ENDOU: variants seen among roughly 807,000 people sequenced by gnomAD.
ENDOU encodes uridylate-specific endoribonuclease.
A neutral mutation model predicts 54.2 loss-of-function variants in ENDOU; 49 were observed. The ratio of observed to expected loss-of-function variants is 0.90; its 90% confidence interval spans 0.72 to 1.15. The LOEUF (loss-of-function observed/expected upper bound fraction) is 1.15. Among genes scored for constraint, ENDOU ranks in the 50% most tolerant of loss-of-function variants. The pLI, the probability that ENDOU is intolerant of heterozygous loss-of-function variation, is 0.00. For missense variants in ENDOU, 458 were observed against 511.4 expected, an observed-to-expected ratio of 0.90 and a Z score of 1.01; for synonymous variants, 172 against 190.5, an observed-to-expected ratio of 0.90 and a Z score of 0.80.
chr12:47,719,025 C>T (rs1940350068), intron 2 of ENDOU: 1 of 152,222 alleles, frequency 6.6e-6, no homozygotes, highest in Non-Finnish European at 1.5e-5. Flanking sequence ...TACTATGTGT[C>T]AGGTTGTGTT....
intron 1 of ENDOU, 23 bp from the exon 2 acceptor site, chr12:47,720,898 ACT>A: frequency 1.3e-6 from 2 of 1,535,688 alleles, no homozygotes; most frequent in Non-Finnish European, 1.7e-6. Flanking sequence ...AAGGTCACCA[ACT>A]CAGCTCTATG....
At chr12:47,714,497 G>A (rs1940155588) in intron 6 of ENDOU, among the ~76,000 whole-genome samples, 1 of 152,240 alleles carries the variant, frequency 6.6e-6, no homozygotes, top group South Asian at 2.1e-4. Flanking sequence ...TGTTAACTCC[G>A]GAGGAGGAGA....
At position 47,716,482 on chromosome 12, in the gene ENDOU, T is replaced by C. The variant is rs1940238546; in HGVS notation, c.569A>G (p.Asn190Ser). 1 of 1,613,654 alleles carries C rather than the reference T, an allele frequency of 6.2e-7. No homozygotes were observed. Among genetic ancestry groups the C allele is most frequent in the Non-Finnish European group, 8.5e-7 (1 of 1,180,016 alleles). Reference protein sequence around the residue: ...RCPKPLFTYVNEKLFSKPTYA... With the variant: ...RCPKPLFTYVSEKLFSKPTYA... The stretch of plus-strand genomic sequence containing the variant: ...GGTGGGCTTGGAGAACAGCTTCTCA[T>C]TGACATAAGTGAAGAGTCTGGGGGA... Residue 190 changes from asparagine (N) to serine (S), a missense_variant, in exon 6 of 10, where the codon AAT becomes AGT. Physicochemically the swap from Asn to Ser is conservative, Grantham distance 46. Transcript: ENST00000422538.
rs1940108822 is a variant in ENDOU at position 47,713,380 on chromosome 12, C to T, written c.760G>A (p.Gly254Ser). ...TCATCGACAAACTCTTGCTCTGAGC[C>T]ATAGCGATCTGCAGAGGAACACAAA... ...YSFLHHQNRY[G>S]SEQEFVDDLK... Residue 254 changes from glycine to serine, a missense_variant, in exon 7 of 10, where the codon GGC becomes AGC. Physicochemically the swap from Gly to Ser is moderately conservative, Grantham distance 56. Transcript: ENST00000422538. 1.2e-6 allele frequency: 2 copies of T among 1,613,578 alleles called. No homozygotes were observed. The highest frequency in any genetic ancestry group is 1.7e-6 in the Non-Finnish European group (2 of 1,179,542).
Position 47,716,938 on chromosome 12 carries a change from C to G in ENDOU, c.503G>C (p.Cys168Ser). The stretch of plus-strand genomic sequence containing the variant: ...GTTTCTGGTCTCTGACGGGGAGATG[C>G]AGTTTTGGCTATTGAGAACGATGTC... ...KEDIVLNSQN[C>S]ISPSETRNQV... The change falls in exon 5 of 10, where the codon TGC (cysteine) becomes TCC (serine). Residue 168 changes from cysteine (C) to serine (S), a missense_variant. Coordinates refer to ENST00000422538, the MANE Select transcript of ENDOU (RefSeq NM_001172439.2). 6.2e-7 allele frequency: 1 copy of G among 1,614,174 alleles called. No homozygotes were observed. The highest frequency in any genetic ancestry group is 1.1e-5 in the South Asian group (1 of 91,084).
chr12:47,717,356 C>G, intron 4 of ENDOU, 162 bp downstream of exon 4: 1 of 804,824 alleles, frequency 1.2e-6, no homozygotes, highest in Non-Finnish European at 2.0e-6. Context: ...AGTCCCATCC[C>G]TAGAGTTTCT....
chr12:47,725,346 G>A lies in ENDOU; in HGVS notation c.55+13C>T, dbSNP rs1940551775. On this transcript the variant is annotated intron_variant, in intron 1 of 9. Transcript: ENST00000422538. ...CCCACCAGCAATCCCATGCCCGCCA[G>A]ATAGTGACTTACCAGCCCAGGCCAG... 11 of 1,614,018 alleles carry A rather than the reference G, an allele frequency of 6.8e-6. No individual in the cohort carries two copies. In the East Asian group the frequency reaches 2.5e-4, roughly 36 times the overall value.
At position 47,710,342 on chromosome 12, in the gene ENDOU, T is replaced by A. The variant is rs116303849; in HGVS notation, c.*460A>T. On this transcript the variant is annotated 3_prime_UTR_variant, in exon 10 of 10. Transcript: ENST00000422538. ...ACAGCCATTATAGTAATCTTGAATT[T>A]CTATCAGCTGTTCTTCCTAAGAACA... 1,954 of 153,910 alleles carry A rather than the reference T, an allele frequency of 0.013. 42 individuals carry two copies. The highest frequency in any genetic ancestry group is 0.045 in the African/African-American group (1,852 of 41,610). 9.5% of individuals were successfully genotyped at this position (153,910 alleles called of 1,614,324 possible).
At chr12:47,716,750 T>A in intron 5 of ENDOU, 140 bp downstream of exon 5, 1 of 845,636 alleles carries the variant, frequency 1.2e-6, no homozygotes, top group Non-Finnish European at 1.9e-6. Flanking sequence ...TCCCTCAAGA[T>A]GGCTTTGTCT....
At chr12:47,721,007 G>T (rs1275010585) in intron 1 of ENDOU, 132 bp from the exon 2 acceptor site, 1 of 816,800 alleles carries the variant, frequency 1.2e-6, no homozygotes, top group Non-Finnish European at 1.9e-6. Flanking sequence ...CTGCAAAGGA[G>T]AAGTACATCC....
chr12:47,717,288 G>T (rs541144819), intron 4 of ENDOU, among the ~76,000 whole-genome samples: 1 of 152,340 alleles, frequency 6.6e-6, no homozygotes, highest in South Asian at 2.1e-4. Context: ...CCTAGAAGGG[G>T]TCTCACGCTT....
chr12:47,717,824 CT>C (rs1940309442), intron 3 of ENDOU, 169 bp from the exon 4 acceptor site: 1 of 673,054 alleles, frequency 1.5e-6, no homozygotes, highest in Non-Finnish European at 2.5e-6. Context: ...TCAGGAAGTC[CT>C]TTCTGATGCC....
Position 47,716,300 on chromosome 12 carries a change from T to C in ENDOU, c.751A>G (p.Asn251Asp). 1 of 1,613,932 alleles carries C rather than the reference T, an allele frequency of 6.2e-7. No individual in the cohort carries two copies. The highest frequency in any genetic ancestry group is 1.1e-5 in the South Asian group (1 of 91,070). ...CTGGGGCCTGGGGGTGCTCACTCAC[T>C]CTGGTGATGGAGGAAGCTGTAGAGC... ...KELYSFLHHQ[N>D]RYGSEQEFVD... Residue 251 changes from asparagine (N) to aspartate (D), a missense_variant and splice_region_variant, in exon 6 of 10, where the codon AAT becomes GAT. Asn to Asp is a conservative substitution (Grantham distance 23, BLOSUM62 1). Transcript: ENST00000422538.
chr12:47,711,860 T>C, intron 8 of ENDOU, 85 bp from the exon 9 acceptor site: 1 of 1,489,754 alleles, frequency 6.7e-7, no homozygotes, highest in Non-Finnish European at 9.3e-7. Context: ...AGTCAGACAG[T>C]ATTTGTTGAG....
chr12:47,712,949 A>AG (rs1362156784), intron 7 of ENDOU, among the ~76,000 whole-genome samples: 4 of 152,146 alleles, frequency 2.6e-5, no homozygotes, highest in African/African-American at 4.8e-5. Flanking sequence ...CTTGGGAAGC[A>AG]GCTGGCCAGG....
chr12:47,717,035 T>C lies in ENDOU; in HGVS notation c.406A>G (p.Ile136Val), dbSNP rs1940270140. 4 of 1,613,972 alleles carry C rather than the reference T, an allele frequency of 2.5e-6. No individual in the cohort carries two copies. The highest frequency in any genetic ancestry group is 1.3e-5 in the African/African-American group (1 of 74,896). Residue 136 changes from isoleucine to valine, a missense_variant, in exon 5 of 10, where the codon ATA (isoleucine) becomes GTA (valine). Physicochemically the swap from Ile to Val is conservative, Grantham distance 29. Transcript: ENST00000422538. ...ATGCTCTGAATCTCCTCTTTTGTTATGGCATCACTGCTGTGGGAGACCTCT... is the reference window on the plus strand; with the variant it reads ...ATGCTCTGAATCTCCTCTTTTGTTACGGCATCACTGCTGTGGGAGACCTCT... The part of the protein sequence containing the change: ...DHEVSHSSDA[I>V]TKEEIQSISE...
chr12:47,716,502 G>C lies in ENDOU; in HGVS notation c.552-3C>G, dbSNP rs769480689. On this transcript the variant is annotated splice_region_variant and splice_polypyrimidine_tract_variant and intron_variant, in intron 5 of 9. Coordinates refer to ENST00000422538, the MANE Select transcript of ENDOU (RefSeq NM_001172439.2). Reference sequence around the variant, plus strand: ...TCTCATTGACATAAGTGAAGAGTCTGGGGGAGGCAGAGGGGAGCCCCACTG... The same window carrying C: ...TCTCATTGACATAAGTGAAGAGTCTCGGGGAGGCAGAGGGGAGCCCCACTG... 1.2e-6 allele frequency: 2 copies of C among 1,613,012 alleles called. No homozygotes were observed. The highest frequency in any genetic ancestry group is 2.2e-5 in the South Asian group (2 of 90,976).
At chr12:47,725,184 G>C (rs1940546866) in intron 1 of ENDOU, among the ~76,000 whole-genome samples, 175 bp downstream of exon 1, 2 of 152,140 alleles carry the variant, frequency 1.3e-5, no homozygotes, top group African/African-American at 4.8e-5. Context: ...TCCATTCCGG[G>C]ACCAACGCCT....
At chr12:47,711,921 T>C (rs1940031702) in intron 8 of ENDOU, 146 bp from the exon 9 acceptor site, 3 of 920,166 alleles carry the variant, frequency 3.3e-6, no homozygotes, top group African/African-American at 3.3e-5. Context: ...ATTCTTTAAA[T>C]AGAAGAGGCA....
Sources: allele counts gnomAD v4.1 joint callset (sites outside exome capture counted in the v4.1 genomes callset), GRCh38; gene constraint gnomAD v4.1.1; transcripts MANE v1.5; gene names NCBI Gene and HGNC (gene_info 2026-07-23, HGNC 2026-07-21).